GPATCH1: variants seen among roughly 807,000 people sequenced by gnomAD.
GPATCH1 encodes G patch domain-containing protein 1.
In GPATCH1, 73 loss-of-function variants were observed where a neutral mutation model predicts 114.9. That is an observed-to-expected ratio of 0.64 (90% CI 0.53 to 0.77). GPATCH1 has a LOEUF of 0.77. Ranked by LOEUF, GPATCH1 falls within the 30% of genes least tolerant of loss-of-function variation. GPATCH1 has a pLI of 0.00. For synonymous variants in GPATCH1, 391 were observed against 428.4 expected (o/e 0.91, Z 1.08); for missense variants, 1,058 against 1,144.3 (o/e 0.92, Z 1.09).
intron 11 of GPATCH1, 72 bp downstream of exon 11, chr19:33,110,088 C>T (rs896411662): frequency 2.9e-5 from 37 of 1,274,952 alleles, no homozygotes; most frequent in Non-Finnish European, 3.9e-5. Context: ...TCATCCTAGA[C>T]CCATATTTAC....
At chr19:33,123,098 A>G (rs1237969862) in intron 17 of GPATCH1, among the ~76,000 whole-genome samples, 1 of 149,928 alleles carries the variant, frequency 6.7e-6, no homozygotes, top group Admixed American at 6.7e-5. Flanking sequence ...ATAAATAAAT[A>G]AATAAATAAA....
intron 19 of GPATCH1, among the ~76,000 whole-genome samples, chr19:33,127,245 G>A (rs1599869154): frequency 6.6e-6 from 1 of 151,942 alleles, no homozygotes; most frequent in African/African-American, 2.4e-5. Context: ...CAGGCCAGGC[G>A]CGGTGGCTCA....
At chr19:33,088,320 T>C in intron 2 of GPATCH1, 52 bp downstream of exon 2, 1 of 1,305,282 alleles carries the variant, frequency 7.7e-7, no homozygotes, top group Non-Finnish European at 1.1e-6. Flanking sequence ...ATGATCAAAA[T>C]ATTGATTCTC....
At chr19:33,111,472 G>C (rs1037806847) in intron 11 of GPATCH1, among the ~76,000 whole-genome samples, 1 of 150,216 alleles carries the variant, frequency 6.7e-6, no homozygotes, top group Non-Finnish European at 1.5e-5. Flanking sequence ...TGACCCACCC[G>C]CCTCGGCCTC....
intron 10 of GPATCH1, among the ~76,000 whole-genome samples, chr19:33,107,924 A>G (rs1271026942): frequency 6.6e-6 from 1 of 151,810 alleles, no homozygotes; most frequent in Non-Finnish European, 1.5e-5. Flanking sequence ...ATGTGTATAC[A>G]TGTGCCACGT....
intron 19 of GPATCH1, 23 bp downstream of exon 19, chr19:33,126,756 T>C: frequency 6.3e-7 from 1 of 1,576,144 alleles, no homozygotes; most frequent in Non-Finnish European, 8.6e-7. Context: ...AGATGGAGGG[T>C]TTTTCAGAAA....
At chr19:33,082,963 G>T (rs1276290833) in intron 1 of GPATCH1, among the ~76,000 whole-genome samples, 1 of 152,072 alleles carries the variant, frequency 6.6e-6, no homozygotes, top group African/African-American at 2.4e-5. Context: ...ATGAGGCCGG[G>T]CGTGGTGGCT....
chr19:33,093,044 C>T (rs776366799), intron 3 of GPATCH1, among the ~76,000 whole-genome samples: 2 of 151,794 alleles, frequency 1.3e-5, no homozygotes, highest in Non-Finnish European at 2.9e-5. Context: ...AACAGCTAGC[C>T]AGGCATGGTG....
intron 17 of GPATCH1, among the ~76,000 whole-genome samples, chr19:33,119,623 G>A (rs963018323): frequency 3.9e-5 from 6 of 152,002 alleles, no homozygotes; most frequent in African/African-American, 1.2e-4. Context: ...GCTTGAACCC[G>A]GGAGGTGGAG....
Position 33,083,615 on chromosome 19 carries a change from G to T in GPATCH1, c.73+2349G>T, listed in dbSNP as rs1165812880. Among the ~76,000 whole-genome samples, 5 of 152,170 alleles carry T rather than the reference G, an allele frequency of 3.3e-5. No individual in the cohort carries two copies. The East Asian group carries it at 9.7e-4, about 30-fold the overall frequency. ...TCGCCATATTGGCCAGGCTGGTCTT[G>T]AAGTCCTTAGGTCAAGCAATCCATC... On this transcript the variant is annotated intron_variant, in intron 1 of 19. Transcript: ENST00000170564.
At position 33,088,114 on chromosome 19, in the gene GPATCH1, T is replaced by C; in HGVS notation, c.74-20T>C. 5.2e-6 allele frequency: 1 copy of C among 191,418 alleles called. No individual in the cohort carries two copies. The highest frequency in any genetic ancestry group is 1.3e-4 in the Admixed American group (1 of 7,778). The allele number at this position is 191,418 out of a possible 1,614,324, so 11.9% of individuals were successfully genotyped here. A position where few individuals can be genotyped will look rare whatever the true frequency, so the allele number is the denominator to read the frequency against. On this transcript the variant is annotated intron_variant, in intron 1 of 19. Coordinates refer to ENST00000170564, the MANE Select transcript of GPATCH1 (RefSeq NM_018025.3). ...TCCTCTCTTTTTCATTTAAAAAACT[T>C]TTTTTTTTTTTTTTTTTAGGTGAAA... is the stretch of plus-strand genomic sequence containing the variant.
At chr19:33,120,858 C>T (rs928317745) in intron 17 of GPATCH1, among the ~76,000 whole-genome samples, 7 of 151,512 alleles carry the variant, frequency 4.6e-5, no homozygotes, top group Admixed American at 1.3e-4. Context: ...GACGTGGTGG[C>T]ATGTGCCTGT....
Position 33,104,166 on chromosome 19 carries a change from C to T in GPATCH1, c.1081-2529C>T, listed in dbSNP as rs60244023. On this transcript the variant is annotated intron_variant, in intron 9 of 19. Transcript: ENST00000170564. ...GCAACATGGTGAAACCCCATCTCTACAAAAAATACAAAAAAAAAAAAAAAT... is the reference window on the plus strand; with the variant it reads ...GCAACATGGTGAAACCCCATCTCTATAAAAAATACAAAAAAAAAAAAAAAT... Among the ~76,000 whole-genome samples the T allele has an allele frequency of 2.8e-3, 394 of 141,584 alleles. 2 individuals carry two copies. The highest frequency in any genetic ancestry group is 9.7e-3 in the African/African-American group (370 of 38,214). 92.9% of individuals were successfully genotyped at this position (141,584 alleles called of 152,430 possible).
chr19:33,115,200 G>C (rs918261523), intron 15 of GPATCH1, among the ~76,000 whole-genome samples: 1 of 145,060 alleles, frequency 6.9e-6, no homozygotes, highest in Non-Finnish European at 1.5e-5. Context: ...TTGGGACTGC[G>C]GGCACACACC....
chr19:33,113,821 C>T lies in GPATCH1; in HGVS notation c.1947C>T (p.Asn649=), dbSNP rs763610422. ...AGCGTGACAAGTACTCAGTCTTCAACTTTCTGACGCTCCCAGAGACAGCTT... is the reference window on the plus strand; with the variant it reads ...AGCGTGACAAGTACTCAGTCTTCAATTTTCTGACGCTCCCAGAGACAGCTT... ...RVKRDKYSVF[N]FLTLPETASL... Residue 649 remains asparagine, a synonymous_variant, in exon 14 of 20, where the codon AAC becomes AAT. Transcript: ENST00000170564. The T allele has an allele frequency of 1.3e-5, 21 of 1,613,600 alleles. No individual in the cohort carries two copies. In the African/African-American group the frequency reaches 2.4e-4, roughly 18 times the overall value.
At position 33,117,826 on chromosome 19, in the gene GPATCH1, C is replaced by G. The variant is rs757902915; in HGVS notation, c.2198C>G (p.Thr733Ser). The change falls in exon 16 of 20, where the codon ACC (threonine) becomes AGC (serine). Residue 733 changes from threonine to serine, a missense_variant and splice_region_variant. By Grantham distance (58) the Thr-to-Ser change is moderately conservative. This residue lies in a region of GPATCH1 where 893 missense variants were observed against 977.4 expected (regional missense o/e 0.91). Transcript: ENST00000170564. ...ACTCTTATTTCACTGTCAATACAGA[C>G]CGTCAACAAAGATGTGGACGCACAG... ...EHAPELSANQ[T>S]VNKDVDAQAE... is the part of the protein sequence containing the mutation. 2 of 1,609,138 alleles carry G rather than the reference C, an allele frequency of 1.2e-6. No individual in the cohort carries two copies. The highest frequency in any genetic ancestry group is 2.7e-5 in the African/African-American group (2 of 74,790).
Position 33,111,864 on chromosome 19 carries a change from G to C in GPATCH1, c.1726G>C (p.Asp576His). 1 of 1,614,114 alleles carries C rather than the reference G, an allele frequency of 6.2e-7. No homozygotes were observed. Residue 576 changes from aspartate to histidine, a missense_variant, in exon 12 of 20, where the codon GAT becomes CAT. Physicochemically the swap from Asp to His is moderately conservative, Grantham distance 81 (BLOSUM62 -1). This residue lies in a region of GPATCH1 where 893 missense variants were observed against 977.4 expected (regional missense o/e 0.91). Coordinates refer to ENST00000170564, the MANE Select transcript of GPATCH1 (RefSeq NM_018025.3). ...CAGGTTCACTCACGCCAAGGAGGAG[G>C]ATGACTCAGATCAGGTTGAAGTCCC... ...SSRFTHAKEE[D>H]DSDQVEVPRD...
chr19:33,083,472 G>A (rs1297868447), intron 1 of GPATCH1, among the ~76,000 whole-genome samples: 2 of 148,052 alleles, frequency 1.4e-5, no homozygotes, highest in African/African-American at 5.0e-5. Flanking sequence ...TCGGCTCACT[G>A]CAACCTCCGC....
At chr19:33,117,440 C>T (rs1327557454) in intron 15 of GPATCH1, among the ~76,000 whole-genome samples, 8 of 152,060 alleles carry the variant, frequency 5.3e-5, no homozygotes, top group South Asian at 2.1e-4. Flanking sequence ...GGATTACAGA[C>T]GCCCACCACC....
Sources: allele counts gnomAD v4.1 joint callset (sites outside exome capture counted in the v4.1 genomes callset), GRCh38; gene constraint gnomAD v4.1.1; regional missense constraint gnomAD v4.1.1; transcripts MANE v1.5; gene names NCBI Gene and HGNC (gene_info 2026-07-23, HGNC 2026-07-21).